The following DOCK8 variants were observed in gnomAD, a reference collection of about 807,000 sequenced individuals.
DOCK8 encodes the protein dedicator of cytokinesis protein 8.
In DOCK8, 141 loss-of-function variants were observed where a neutral mutation model predicts 245.6. That is an observed-to-expected ratio of 0.57 (90% CI 0.50 to 0.66). DOCK8 has a LOEUF of 0.66. Among genes scored for constraint, DOCK8 ranks in the 30% least tolerant of loss-of-function variants. The probability of loss-of-function intolerance (pLI) is 0.00; values close to 1 mark genes in which losing one functional copy is unlikely to be tolerated. For missense variants in DOCK8, 2,965 were observed against 2,603.4 expected (o/e 1.14, Z -3.02); for synonymous variants, 1,168 against 970.2 (o/e 1.20, Z -3.79).
chr9:224,273 C>G (rs915491400), intron 1 of DOCK8, among the ~76,000 whole-genome samples: 1 of 152,092 alleles, frequency 6.6e-6, no homozygotes, highest in Non-Finnish European at 1.5e-5. Context: ...AGATTTTTCT[C>G]CCCCGATGAA....
At chr9:365,137 A>G (rs775391804) in intron 14 of DOCK8, among the ~76,000 whole-genome samples, 1 of 152,242 alleles carries the variant, frequency 6.6e-6, no homozygotes, top group Non-Finnish European at 1.5e-5. Flanking sequence ...AGTTTGGGAA[A>G]CCCTTGTAGG....
intron 1 of DOCK8, among the ~76,000 whole-genome samples, chr9:265,847 C>T (rs1000742078): frequency 6.6e-6 from 1 of 152,080 alleles, no homozygotes; most frequent in African/African-American, 2.4e-5. Flanking sequence ...ACTATACAGC[C>T]CAGCCCTTCT....
intron 28 of DOCK8, among the ~76,000 whole-genome samples, chr9:412,607 C>T (rs941645063): frequency 6.6e-6 from 1 of 151,914 alleles, no homozygotes; most frequent in Non-Finnish European, 1.5e-5. Context: ...AATTGTGTTT[C>T]TATACACTTA....
At chr9:429,384 A>G (rs944111529) in intron 35 of DOCK8, among the ~76,000 whole-genome samples, 14 of 152,192 alleles carry the variant, frequency 9.2e-5, no homozygotes, top group African/African-American at 3.1e-4. Context: ...CTTCATCACC[A>G]GTAATTTCCC....
chr9:441,423 C>G lies in DOCK8; in HGVS notation c.5355+6C>G. On this transcript the variant is annotated splice_donor_region_variant and intron_variant, in intron 41 of 47. Coordinates refer to ENST00000432829, the MANE Select transcript of DOCK8 (RefSeq NM_203447.4). ...TCGACAGCATCGTTAACAAGGTAGC[C>G]GGGGAGCCTGGCTGGCAGGTCTTGT... 3.7e-6 allele frequency: 6 copies of G among 1,614,098 alleles called. No individual in the cohort carries two copies. The highest frequency in any genetic ancestry group is 2.2e-5 in the East Asian group (1 of 44,880).
At chr9:246,640 A>G (rs2047512043) in intron 1 of DOCK8, among the ~76,000 whole-genome samples, 1 of 152,190 alleles carries the variant, frequency 6.6e-6, no homozygotes, top group Non-Finnish European at 1.5e-5. Context: ...TAGCAGAAGG[A>G]CAAAGACATG....
At chr9:439,889 G>A (rs1161489331) in intron 40 of DOCK8, among the ~76,000 whole-genome samples, 2 of 151,992 alleles carry the variant, frequency 1.3e-5, no homozygotes, top group African/African-American at 4.8e-5. Context: ...CAGAAATGTG[G>A]GCACAGAAAC....
intron 33 of DOCK8, among the ~76,000 whole-genome samples, chr9:425,465 G>A (rs1182207737): frequency 2.0e-5 from 3 of 150,938 alleles, no homozygotes; most frequent in South Asian, 4.2e-4. Context: ...CCGGGAAGTG[G>A]AGCTTGCGGT....
upstream of DOCK8, chr9:214,538 C>A (rs749955785): frequency 2.5e-6 from 4 of 1,613,650 alleles, no homozygotes; most frequent in Non-Finnish European, 3.4e-6. Flanking sequence ...TTCCCGACCT[C>A]GCCAGCTTTG....
intron 14 of DOCK8, among the ~76,000 whole-genome samples, chr9:361,594 T>C (rs556956308): frequency 2.0e-5 from 3 of 152,298 alleles, no homozygotes; most frequent in Admixed American, 2.0e-4. Context: ...CATTATCTAA[T>C]CACAAGTCTC....
chr9:271,813 C>T (rs893063143), intron 2 of DOCK8, 84 bp downstream of exon 2: 14 of 886,784 alleles, frequency 1.6e-5, no homozygotes, highest in Non-Finnish European at 2.3e-5. Flanking sequence ...TTCCTTAGAT[C>T]TTCCTACCAT....
At chr9:304,384 A>G (rs1242148235) in intron 4 of DOCK8, among the ~76,000 whole-genome samples, 197 bp from the exon 5 acceptor site, 3 of 152,214 alleles carry the variant, frequency 2.0e-5, no homozygotes, top group South Asian at 2.1e-4. Flanking sequence ...GCCAGGGGGT[A>G]AATTTGTATC....
intron 1 of DOCK8, among the ~76,000 whole-genome samples, chr9:233,686 G>T (rs201217031): frequency 4.9e-4 from 74 of 152,202 alleles, no homozygotes; most frequent in African/African-American, 1.8e-3. Context: ...TTTGTTGGTT[G>T]AAAGTCTGTT....
At position 414,848 on chromosome 9, in the gene DOCK8, C is replaced by T. The variant is rs760678150; in HGVS notation, c.3597C>T (p.Asp1199=). 3.7e-6 allele frequency: 6 copies of T among 1,614,082 alleles called. No homozygotes were observed. Among genetic ancestry groups the T allele is most frequent in the South Asian group, 2.2e-5 (2 of 91,086 alleles). ...IHSLLSSHDL[D]PRCVKPEVKV... ...GCCTGCTAAGTTCTCACGACCTGGA[C>T]CCACGCTGTGTCAAACCAGAGGTGA... is the stretch of plus-strand genomic sequence containing the variant. The change falls in exon 29 of 48, where the codon GAC becomes GAT. Residue 1199 remains aspartate, a synonymous_variant. Coordinates refer to ENST00000432829, the MANE Select transcript of DOCK8 (RefSeq NM_203447.4).
chr9:229,382 T>C (rs1377625198), intron 1 of DOCK8, among the ~76,000 whole-genome samples: 1 of 152,192 alleles, frequency 6.6e-6, no homozygotes, highest in East Asian at 1.9e-4. Flanking sequence ...GACAACTATA[T>C]GTCTGGAAGA....
At chr9:349,194 G>A (rs1184022250) in intron 14 of DOCK8, among the ~76,000 whole-genome samples, 5 of 152,182 alleles carry the variant, frequency 3.3e-5, no homozygotes, top group East Asian at 1.9e-4. Flanking sequence ...TTTTGACAGC[G>A]TAATAAGGTA....
chr9:241,120 T>C (rs530598966), intron 1 of DOCK8, among the ~76,000 whole-genome samples: 1 of 152,320 alleles, frequency 6.6e-6, no homozygotes, highest in South Asian at 2.1e-4. Context: ...ATAATAATTG[T>C]ACATATTCAT....
rs1057247975 is a variant in DOCK8 at position 232,598 on chromosome 9, T to C, written c.53+17569T>C. Among the ~76,000 whole-genome samples the C allele has an allele frequency of 7.8e-4, 119 of 152,340 alleles. 2 individuals carry two copies. In the East Asian group the frequency reaches 0.02, roughly 26 times the overall value. On this transcript the variant is annotated intron_variant, in intron 1 of 47. Transcript: ENST00000432829. ...ATCCTGTTATTTGTCTATTCAGAGATTCAACTTCTTCCTGGTTTAGTCTTG... is the reference window on the plus strand; with the variant it reads ...ATCCTGTTATTTGTCTATTCAGAGACTCAACTTCTTCCTGGTTTAGTCTTG...
At chr9:279,966 T>C (rs1400011103) in intron 2 of DOCK8, among the ~76,000 whole-genome samples, 1 of 152,200 alleles carries the variant, frequency 6.6e-6, no homozygotes, top group African/African-American at 2.4e-5. Context: ...TGTTTAGATT[T>C]GTGGTTTGAG....
Sources: allele counts gnomAD v4.1 joint callset (sites outside exome capture counted in the v4.1 genomes callset), GRCh38; gene constraint gnomAD v4.1.1; transcripts MANE v1.5; gene names NCBI Gene and HGNC (gene_info 2026-07-23, HGNC 2026-07-21).